Variants in DDX42 observed in about 807,000 individuals in gnomAD.
DDX42 encodes the protein DEAD-box helicase 42.
In DDX42, 22 loss-of-function variants were observed where a neutral mutation model predicts 101.5. That is an observed-to-expected ratio of 0.22 (90% CI 0.15 to 0.31). The LOEUF is 0.31. DDX42 is among the 10% of genes least tolerant of loss of function. DDX42 has a pLI of 1.00. For synonymous variants in DDX42, 402 were observed against 401.2 expected, an observed-to-expected ratio of 1.00 and a Z score of -0.02; for missense variants, 849 against 1,199.9, an observed-to-expected ratio of 0.71 and a Z score of 4.32.
Position 63,817,683 on chromosome 17 carries a change from TTC to T in DDX42, c.2113-7_2113-6del. The T allele has an allele frequency of 2.5e-6, 4 of 1,610,246 alleles. No homozygotes were observed. The highest frequency in any genetic ancestry group is 3.4e-6 in the Non-Finnish European group (4 of 1,176,928). ...TATCTTACCTACTCCTGATGTCTCT[TTC>T]TCTTTCAGTCACAGTACAAGAGTCA... is the stretch of plus-strand genomic sequence containing the variant. On this transcript the variant is annotated splice_polypyrimidine_tract_variant and intron_variant, in intron 17 of 17. Coordinates refer to ENST00000389924, the MANE Select transcript of DDX42 (RefSeq NM_203499.3).
At chr17:63,806,377 T>A (rs2039840662) in intron 7 of DDX42, 158 bp from the exon 8 acceptor site, 3 of 594,350 alleles carry the variant, frequency 5.0e-6, no homozygotes, top group Non-Finnish European at 7.9e-6. Flanking sequence ...TTGTTACCAT[T>A]TGAGGTTTTT....
At chr17:63,792,222 T>A (rs1162873559) in intron 2 of DDX42, among the ~76,000 whole-genome samples, 190 bp from the exon 3 acceptor site, 2 of 152,194 alleles carry the variant, frequency 1.3e-5, no homozygotes, top group Non-Finnish European at 2.9e-5. Context: ...TTTTTTGTAA[T>A]ATTGAAATTT....
intron 2 of DDX42, among the ~76,000 whole-genome samples, chr17:63,787,910 T>TG (rs201378253): frequency 7.6e-6 from 1 of 130,800 alleles, no homozygotes; most frequent in African/African-American, 3.4e-5. Context: ...ATGTGGTTTT[T>TG]TTTTTTTTTT....
chr17:63,817,959 G>A lies in DDX42; in HGVS notation c.2378G>A (p.Gly793Glu). 1 of 1,614,136 alleles carries A rather than the reference G, an allele frequency of 6.2e-7. No individual in the cohort carries two copies. Among genetic ancestry groups the A allele is most frequent in the Non-Finnish European group, 8.5e-7 (1 of 1,180,032 alleles). ...GAQGVNNTAS[G>E]NNSREGTGGS... is the part of the protein sequence containing the mutation. ...CAAGGAGTCAACAACACAGCTTCAG[G>A]GAATAACAGCCGAGAAGGGACTGGG... is the stretch of plus-strand genomic sequence containing the variant. The change falls in exon 18 of 18, where the codon GGG (glycine) becomes GAG (glutamate). Residue 793 changes from glycine (G) to glutamate (E), a missense_variant. By Grantham distance (98) the Gly-to-Glu change is moderately conservative (BLOSUM62 -2). Transcript: ENST00000389924.
Position 63,817,155 on chromosome 17 carries a change from C to T in DDX42, c.2112+189C>T, listed in dbSNP as rs569374691. On this transcript the variant is annotated intron_variant, in intron 17 of 17. Transcript: ENST00000389924. ...GGAAATGCAAGTTGATCTAGAGAAC[C>T]CCTTGTGCTGGTCTACTTTGAGTCA... The T allele has an allele frequency of 1.6e-3, 906 of 553,658 alleles. 3 individuals carry two copies. The highest frequency in any genetic ancestry group is 2.5e-3 in the Non-Finnish European group (777 of 313,024). 34.3% of individuals were successfully genotyped at this position (553,658 alleles called of 1,614,324 possible). A position where few individuals can be genotyped will look rare whatever the true frequency, so the allele number is the denominator to read the frequency against.
intron 1 of DDX42, chr17:63,774,899 T>A (rs1226354428): frequency 6.6e-6 from 1 of 152,332 alleles, no homozygotes; most frequent in Non-Finnish European, 1.5e-5. Context: ...GCGTATCTGA[T>A]GTGAATAAAT....
Position 63,817,941 on chromosome 17 carries a change from TCAA to T in DDX42, c.2366_2368del (p.Asn789del), listed in dbSNP as rs778834300. ...TACCCGTCTGCCGGAGCCCAAGGAG[TCAA>T]CAACACAGCTTCAGGGAATAACAGC... On this transcript the variant is annotated inframe_deletion, in exon 18 of 18. Coordinates refer to ENST00000389924, the MANE Select transcript of DDX42 (RefSeq NM_203499.3). 10 of 1,612,394 alleles carry T rather than the reference TCAA, an allele frequency of 6.2e-6. No individual in the cohort carries two copies. The African/African-American group carries it at 6.7e-5, about 11-fold the overall frequency.
At chr17:63,785,620 AAAG>A (rs1300240989) in intron 1 of DDX42, among the ~76,000 whole-genome samples, 2 of 147,728 alleles carry the variant, frequency 1.4e-5, no homozygotes, top group Non-Finnish European at 3.0e-5. Context: ...AAAAAAAAAG[AAAG>A]AAAAGGTTTT....
At chr17:63,802,569 A>G (rs2039784866) in intron 6 of DDX42, among the ~76,000 whole-genome samples, 2 of 152,222 alleles carry the variant, frequency 1.3e-5, no homozygotes, top group Non-Finnish European at 2.9e-5. Flanking sequence ...GGAATTTGAG[A>G]TAAGCCTGGG....
Position 63,806,590 on chromosome 17 carries a change from A to G in DDX42, c.782A>G (p.Asp261Gly). Reference sequence around the variant, plus strand: ...AGTAGCTTTGCTCATTTTGGGTTTGACGAACAACTTATGCACCAGATTCGG... The same window carrying G: ...AGTAGCTTTGCTCATTTTGGGTTTGGCGAACAACTTATGCACCAGATTCGG... ...PGSSFAHFGF[D>G]EQLMHQIRKS... The change falls in exon 8 of 18, where the codon GAC (aspartate) becomes GGC (glycine). Residue 261 changes from aspartate (D) to glycine (G), a missense_variant. Physicochemically the swap from Asp to Gly is moderately conservative, Grantham distance 94. Around this residue, in one of 5 missense-constraint regions of DDX42, gnomAD observed 370 missense variants for 608.8 expected, o/e 0.61. Coordinates refer to ENST00000389924, the MANE Select transcript of DDX42 (RefSeq NM_203499.3). The G allele has an allele frequency of 6.2e-7, 1 of 1,613,568 alleles. No individual in the cohort carries two copies. The highest frequency in any genetic ancestry group is 8.5e-7 in the Non-Finnish European group (1 of 1,179,822).
chr17:63,797,149 C>T (rs78741424), intron 3 of DDX42, among the ~76,000 whole-genome samples: 2 of 151,982 alleles, frequency 1.3e-5, no homozygotes, highest in Non-Finnish European at 2.9e-5. Context: ...GTCACGAGCT[C>T]GAGACCAGCC....
intron 5 of DDX42, 126 bp from the exon 6 acceptor site, chr17:63,800,342 G>T: frequency 1.4e-6 from 1 of 736,134 alleles, no homozygotes; most frequent in Non-Finnish European, 2.1e-6. Context: ...TGCTAGTAAG[G>T]ATCTTGCCTT....
rs770064803 is a variant in DDX42 at position 63,812,202 on chromosome 17, G to A, written c.1669G>A (p.Val557Ile). ...KDIPVLVATD[V>I]AARGLDIPSI... ...CATCCCAGTCCTGGTGGCCACAGAT[G>A]TTGCAGGTAGAGTATGAATTTTTCA... Residue 557 changes from valine to isoleucine, a missense_variant, in exon 14 of 18, where the codon GTT (valine) becomes ATT (isoleucine). Val to Ile is a conservative substitution (Grantham distance 29, BLOSUM62 3). Transcript: ENST00000389924. 1 of 1,610,650 alleles carries A rather than the reference G, an allele frequency of 6.2e-7. No homozygotes were observed. The highest frequency in any genetic ancestry group is 8.5e-7 in the Non-Finnish European group (1 of 1,178,064).
Position 63,818,485 on chromosome 17 carries a change from C to A in DDX42, c.*87C>A. On this transcript the variant is annotated 3_prime_UTR_variant, in exon 18 of 18. Coordinates refer to ENST00000389924, the MANE Select transcript of DDX42 (RefSeq NM_203499.3). ...GGTGTCTCAGGGCTGGGTTGGGGTC[C>A]AAAGTGTAAGGACCCCCTGCCCTTA... The A allele has an allele frequency of 1.5e-6, 2 of 1,304,090 alleles. No homozygotes were observed. The highest frequency in any genetic ancestry group is 2.1e-6 in the Non-Finnish European group (2 of 960,582). The allele number at this position is 1,304,090 out of a possible 1,614,324, so 80.8% of individuals were successfully genotyped here. A position where few individuals can be genotyped will look rare whatever the true frequency, so the allele number is the denominator to read the frequency against.
intron 2 of DDX42, among the ~76,000 whole-genome samples, chr17:63,787,972 T>G (rs1229589941): frequency 6.9e-6 from 1 of 145,552 alleles, no homozygotes; most frequent in Non-Finnish European, 1.5e-5. Context: ...TGGTGCAATC[T>G]CGGTTCACCG....
At position 63,818,228 on chromosome 17, in the gene DDX42, G is replaced by A. The variant is rs2040003471; in HGVS notation, c.2647G>A (p.Gly883Arg). ...CCGGGGTGCAAATGATGGTCGGAATGGGGAAAGCAGGAAAGAAGCTTTTAA... is the reference window on the plus strand; with the variant it reads ...CCGGGGTGCAAATGATGGTCGGAATAGGGAAAGCAGGAAAGAAGCTTTTAA... ...ENRGANDGRN[G>R]ESRKEAFNRE... is the part of the protein sequence containing the mutation. The change falls in exon 18 of 18, where the codon GGG becomes AGG. Residue 883 changes from glycine (G) to arginine (R), a missense_variant. Physicochemically the swap from Gly to Arg is moderately radical, Grantham distance 125. Transcript: ENST00000389924. 3 of 1,614,128 alleles carry A rather than the reference G, an allele frequency of 1.9e-6. No homozygotes were observed. Among genetic ancestry groups the A allele is most frequent in the Non-Finnish European group, 2.5e-6 (3 of 1,180,042 alleles).
At chr17:63,776,201 A>G (rs1368616985) in intron 1 of DDX42, 1 of 152,264 alleles carries the variant, frequency 6.6e-6, no homozygotes, top group Non-Finnish European at 1.5e-5. Flanking sequence ...CATTTAGATC[A>G]TATCTTATTT....
At chr17:63,816,991 A>C in intron 17 of DDX42, 25 bp downstream of exon 17, 1 of 1,596,710 alleles carries the variant, frequency 6.3e-7, no homozygotes, top group Non-Finnish European at 8.6e-7. Context: ...TTTCATTAAA[A>C]GCACTTTCAG....
chr17:63,817,792 G>C lies in DDX42; in HGVS notation c.2211G>C (p.Leu737Phe). ...GASGWTSAGSLNSVPTNSAQQ... is the reference protein window; with the variant it reads ...GASGWTSAGSFNSVPTNSAQQ... The stretch of plus-strand genomic sequence containing the variant: ...GTGGGTGGACTAGTGCAGGGAGCTT[G>C]AATTCTGTTCCAACTAACTCAGCAC... The change falls in exon 18 of 18, where the codon TTG (leucine) becomes TTC (phenylalanine). Residue 737 changes from leucine (L) to phenylalanine (F), a missense_variant. Physicochemically the swap from Leu to Phe is conservative, Grantham distance 22 (BLOSUM62 0). Coordinates refer to ENST00000389924, the MANE Select transcript of DDX42 (RefSeq NM_203499.3). 2 of 1,614,236 alleles carry C rather than the reference G, an allele frequency of 1.2e-6. No homozygotes were observed. Among genetic ancestry groups the C allele is most frequent in the Non-Finnish European group, 1.7e-6 (2 of 1,180,036 alleles).
Sources: gnomAD v4.1 joint callset for allele counts (sites outside exome capture counted in the v4.1 genomes callset) on GRCh38, gnomAD v4.1.1 for gene constraint, gnomAD v4.1.1 regional missense constraint, MANE v1.5 for transcripts, NCBI Gene and HGNC (gene_info 2026-07-23, HGNC 2026-07-21) for gene names.